Variants in BIN3 observed in about 807,000 individuals in gnomAD.
BIN3 encodes bridging integrator 3.
Under a neutral mutation model 38.2 loss-of-function variants are expected in BIN3, and 41 were observed. The ratio of observed to expected loss-of-function variants is 1.07; its 90% CI spans 0.84 to 1.39. BIN3 has a LOEUF of 1.39. Ranked by LOEUF, BIN3 falls within the 40% of genes most tolerant of loss-of-function variation. The pLI, the probability that BIN3 is intolerant of heterozygous loss-of-function variation, is 0.00. For missense variants in BIN3, 361 were observed against 324.3 expected, an observed-to-expected ratio of 1.11 and a Z score of -0.87; for synonymous variants, 145 against 122.6, an observed-to-expected ratio of 1.18 and a Z score of -1.21.
intron 2 of BIN3, among the ~76,000 whole-genome samples, chr8:22,639,324 T>C (rs1418637105): frequency 6.6e-6 from 1 of 152,062 alleles, no homozygotes; most frequent in African/African-American, 2.4e-5. Flanking sequence ...CTTGACCTTC[T>C]AGGCTCAAGC....
chr8:22,637,088 C>G (rs541048533), intron 2 of BIN3, 126 bp from the exon 3 acceptor site: 24 of 783,282 alleles, frequency 3.1e-5, no homozygotes, highest in Non-Finnish European at 2.2e-5. Context: ...CCAGTTCACA[C>G]AAGCACCGAC....
intron 4 of BIN3, among the ~76,000 whole-genome samples, chr8:22,633,139 G>A (rs1320430221): frequency 6.6e-6 from 1 of 152,234 alleles, no homozygotes; most frequent in Non-Finnish European, 1.5e-5. Context: ...CCCGCTTCAT[G>A]TGAGCAGAGC....
intron 4 of BIN3, among the ~76,000 whole-genome samples, chr8:22,631,467 AAAC>A (rs1166186260): frequency 6.6e-6 from 1 of 152,216 alleles, no homozygotes; most frequent in Non-Finnish European, 1.5e-5. Flanking sequence ...TTTAGGGCTC[AAAC>A]AACCCAGGGG....
At chr8:22,642,816 T>C (rs1304653010) in intron 2 of BIN3, among the ~76,000 whole-genome samples, 5 of 152,198 alleles carry the variant, frequency 3.3e-5, no homozygotes. Context: ...ACCTAGTTTC[T>C]TAACCCCTAC....
intron 6 of BIN3, chr8:22,629,613 G>T: frequency 3.0e-6 from 1 of 337,514 alleles, no homozygotes. Context: ...TGTCCGCTGA[G>T]GGCTGGCCAA....
chr8:22,665,511 G>A (rs1402268272), intron 1 of BIN3, among the ~76,000 whole-genome samples: 1 of 152,214 alleles, frequency 6.6e-6, no homozygotes, highest in East Asian at 1.9e-4. Context: ...CAGGGTGTGA[G>A]GGGCCACTCA....
chr8:22,667,178 C>G (rs1803449222), intron 1 of BIN3, among the ~76,000 whole-genome samples: 1 of 152,152 alleles, frequency 6.6e-6, no homozygotes, highest in African/African-American at 2.4e-5. Context: ...CAAGGAGATA[C>G]CAAGATGTGC....
At chr8:22,643,961 G>A (rs1205477116) in intron 2 of BIN3, among the ~76,000 whole-genome samples, 1 of 152,224 alleles carries the variant, frequency 6.6e-6, no homozygotes, top group African/African-American at 2.4e-5. Flanking sequence ...CCAAAACACT[G>A]GGAGGGCTTC....
At chr8:22,668,152 G>A (rs1292456562) in intron 1 of BIN3, among the ~76,000 whole-genome samples, 13 of 152,162 alleles carry the variant, frequency 8.5e-5, no homozygotes, top group African/African-American at 3.1e-4. Context: ...CTGACGGTAA[G>A]GTAAGGTGCT....
chr8:22,651,147 G>T (rs530339463), intron 1 of BIN3, among the ~76,000 whole-genome samples: 1 of 152,188 alleles, frequency 6.6e-6, no homozygotes, highest in African/African-American at 2.4e-5. Flanking sequence ...AATGTGTCAC[G>T]CAGCAGTAAT....
chr8:22,658,001 T>C (rs1388274859), intron 1 of BIN3, among the ~76,000 whole-genome samples: 2 of 152,190 alleles, frequency 1.3e-5, no homozygotes, highest in Non-Finnish European at 2.9e-5. Context: ...CACACTTGCC[T>C]CAGTGCTCCC....
chr8:22,666,402 A>C (rs1047499168), intron 1 of BIN3, among the ~76,000 whole-genome samples: 1 of 6,728 alleles, frequency 1.5e-4, no homozygotes. Flanking sequence ...TGGCGGGGGG[A>C]GGTGGGGTGG....
In BIN3 at chr8:22,630,540, G is replaced by T. The variant is rs1421530941; in HGVS notation, c.199C>A (p.Leu67Ile). The T allele has an allele frequency of 6.2e-7, 1 of 1,613,920 alleles. No individual in the cohort carries two copies. The highest frequency in any genetic ancestry group is 8.5e-7 in the Non-Finnish European group (1 of 1,179,884). ...KSAVKISLDL[L>I]SNPLCEQDQD... ...TCTTGCTCACAGAGGGGATTGGAGAGTAAGTCCAAGGATATCTTCACGGCA... is the reference window on the plus strand; with the variant it reads ...TCTTGCTCACAGAGGGGATTGGAGATTAAGTCCAAGGATATCTTCACGGCA... The change falls in exon 5 of 9, where the codon CTC becomes ATC. Residue 67 changes from leucine (L) to isoleucine (I), a missense_variant. Physicochemically the swap from Leu to Ile is conservative, Grantham distance 5. Transcript: ENST00000276416.
At chr8:22,628,587 G>T (rs1313933375) in intron 6 of BIN3, among the ~76,000 whole-genome samples, 2 of 152,190 alleles carry the variant, frequency 1.3e-5, no homozygotes, top group Non-Finnish European at 2.9e-5. Context: ...AGTGGCCGGG[G>T]TTTCTCTCCA....
intron 1 of BIN3, among the ~76,000 whole-genome samples, chr8:22,651,662 G>C (rs1318832160): frequency 2.0e-5 from 3 of 152,110 alleles, no homozygotes; most frequent in African/African-American, 7.2e-5. Context: ...TGCTGCTGTG[G>C]GAAAGTCTGA....
chr8:22,624,828 AGAGATGACCTAT>A (rs1202066951), intron 6 of BIN3: 1 of 192,986 alleles, frequency 5.2e-6, no homozygotes. Context: ...GAGGACAGAG[AGAGATGACCTAT>A]GACTCATCCA....
chr8:22,662,552 T>A (rs1164921453), intron 1 of BIN3, among the ~76,000 whole-genome samples: 2 of 152,224 alleles, frequency 1.3e-5, no homozygotes, highest in African/African-American at 2.4e-5. Flanking sequence ...CCTTCTGTTA[T>A]TTTTTATTAA....
intron 2 of BIN3, among the ~76,000 whole-genome samples, chr8:22,643,213 A>G (rs1158849065): frequency 1.3e-5 from 2 of 152,148 alleles, no homozygotes; most frequent in Non-Finnish European, 2.9e-5. Flanking sequence ...CAACATATGC[A>G]CACCCAGATT....
intron 1 of BIN3, among the ~76,000 whole-genome samples, chr8:22,654,877 T>C (rs1377051363): frequency 6.6e-6 from 1 of 152,232 alleles, no homozygotes; most frequent in Non-Finnish European, 1.5e-5. Context: ...GGTCACTCTA[T>C]GTTTAACCTT....
Sources: gnomAD v4.1 joint callset for allele counts (sites outside exome capture counted in the v4.1 genomes callset) on GRCh38, gnomAD v4.1.1 for gene constraint, MANE v1.5 for transcripts, NCBI Gene and HGNC (gene_info 2026-07-23, HGNC 2026-07-21) for gene names.